The following AKAP6 variants were observed in gnomAD, a reference collection of about 807,000 sequenced individuals.
AKAP6 encodes A-kinase anchor protein 6.
Under a neutral mutation model 188.5 loss-of-function variants are expected in AKAP6, and 58 were observed. The observed-to-expected ratio is 0.31, with a 90% CI of 0.25 to 0.38. AKAP6 has a LOEUF of 0.38. AKAP6 is among the 10% of genes least tolerant of loss of function. The pLI is 1.00. For missense variants in AKAP6, 2,710 were observed against 2,740.0 expected (o/e 0.99, Z 0.24); for synonymous variants, 989 against 998.6 (o/e 0.99, Z 0.18).
intron 1 of AKAP6, among the ~76,000 whole-genome samples, chr14:32,409,868 C>G (rs1269537047): frequency 6.6e-6 from 1 of 152,102 alleles, no homozygotes; most frequent in Admixed American, 6.5e-5. Flanking sequence ...TGTATGAGGA[C>G]TAAACTCTGG....
intron 11 of AKAP6, among the ~76,000 whole-genome samples, chr14:32,764,244 A>T (rs191571962): frequency 6.6e-6 from 1 of 152,218 alleles, no homozygotes; most frequent in Non-Finnish European, 1.5e-5. Flanking sequence ...AACACTGTCT[A>T]TTATGAAAAG....
At chr14:32,359,184 CA>C (rs919593104) in intron 1 of AKAP6, among the ~76,000 whole-genome samples, 1 of 151,758 alleles carries the variant, frequency 6.6e-6, no homozygotes, top group Admixed American at 6.6e-5. Context: ...AGTTTTAGTA[CA>C]AAAAAAATTT....
intron 8 of AKAP6, among the ~76,000 whole-genome samples, chr14:32,694,107 A>G (rs1890293102): frequency 6.6e-6 from 1 of 152,076 alleles, no homozygotes; most frequent in Non-Finnish European, 1.5e-5. Context: ...CATGCCTGTA[A>G]TCCCAGCACT....
At chr14:32,464,354 C>T (rs1335210750) in intron 2 of AKAP6, among the ~76,000 whole-genome samples, 2 of 152,174 alleles carry the variant, frequency 1.3e-5, no homozygotes, top group Non-Finnish European at 2.9e-5. Flanking sequence ...AATAAAAATA[C>T]TGGCAAACTG....
intron 2 of AKAP6, among the ~76,000 whole-genome samples, chr14:32,472,918 A>C (rs941012351): frequency 2.0e-5 from 3 of 152,164 alleles, no homozygotes; most frequent in African/African-American, 7.2e-5. Flanking sequence ...AAATGATGTA[A>C]TCCTAATGCT....
intron 11 of AKAP6, among the ~76,000 whole-genome samples, chr14:32,761,521 G>A (rs2032537169): frequency 6.6e-6 from 1 of 152,110 alleles, no homozygotes; most frequent in Non-Finnish European, 1.5e-5. Context: ...ACGTATGGAT[G>A]AGAGAGCAAG....
At position 32,833,296 on chromosome 14, in the gene AKAP6, C is replaced by G. The variant is rs1034558603; in HGVS notation, c.*3491C>G. 1 of 152,204 alleles carries G rather than the reference C, an allele frequency of 6.6e-6. No individual in the cohort carries two copies. Among genetic ancestry groups the G allele is most frequent in the Non-Finnish European group, 1.5e-5 (1 of 68,034 alleles). The allele number at this position is 152,204 out of a possible 1,614,324, so 9.4% of individuals were successfully genotyped here. A position where few individuals can be genotyped will look rare whatever the true frequency, so the allele number is the denominator to read the frequency against. On this transcript the variant is annotated 3_prime_UTR_variant, in exon 14 of 14. Transcript: ENST00000280979. ...CTGTCTCCAAAGGTTTACAGCTTTT[C>G]TTCTGAAAGTGCCTTTTGTGTCCTT...
intron 2 of AKAP6, among the ~76,000 whole-genome samples, chr14:32,492,351 TATATAGAGAG>T (rs1359012167): frequency 1.8e-5 from 1 of 54,910 alleles, no homozygotes. Flanking sequence ...TATATATATA[TATATAGAGAG>T]AGAGAGAGAG....
rs1451519880 is a variant in AKAP6, at chr14:32,417,034, G to C, written c.-34-16426G>C. On this transcript the variant is annotated intron_variant, in intron 1 of 13. Transcript: ENST00000280979. ...TTTTTGTATTTTTAGTAGAGGTGGA[G>C]TTTGACTGTGTTTGCTAGGCTGGTC... Among the ~76,000 whole-genome samples the C allele has an allele frequency of 7.9e-5, 12 of 152,118 alleles. No individual in the cohort carries two copies. In the East Asian group the frequency reaches 2.1e-3, roughly 27 times the overall value.
At chr14:32,754,318 G>C (rs150019498) in intron 11 of AKAP6, among the ~76,000 whole-genome samples, 1 of 152,020 alleles carries the variant, frequency 6.6e-6, no homozygotes, top group East Asian at 1.9e-4. Flanking sequence ...CTCTCTTTTG[G>C]TTACCATTTG....
At chr14:32,724,525 A>G (rs1312717428) in intron 9 of AKAP6, among the ~76,000 whole-genome samples, 1 of 152,206 alleles carries the variant, frequency 6.6e-6, no homozygotes, top group East Asian at 1.9e-4. Context: ...TTAGTAGTGT[A>G]GTAAATAACT....
chr14:32,511,508 T>C (rs1881261271), intron 2 of AKAP6, among the ~76,000 whole-genome samples: 1 of 151,952 alleles, frequency 6.6e-6, no homozygotes, highest in Non-Finnish European at 1.5e-5. Context: ...CCAAAGTAGC[T>C]GGGACTACAG....
At chr14:32,460,243 A>C (rs11625399) in intron 2 of AKAP6, among the ~76,000 whole-genome samples, 18,226 of 152,170 alleles carry the variant, frequency 0.12, 1,237 homozygotes, top group South Asian at 0.21. Flanking sequence ...CTGTTTCTTC[A>C]ACAAAATTTC....
chr14:32,547,539 A>G lies in AKAP6; in HGVS notation c.2346+540A>G, dbSNP rs182478588. Among the ~76,000 whole-genome samples, 12 of 152,200 alleles carry G rather than the reference A, an allele frequency of 7.9e-5. No individual in the cohort carries two copies. The South Asian group carries it at 1.7e-3, about 21-fold the overall frequency. ...TGGCTAATAACCATATTACCTATAC[A>G]TGTACCACCCATGGACTCTGGGATG... On this transcript the variant is annotated intron_variant, in intron 4 of 13. Transcript: ENST00000280979.
rs1484310509 is a variant in AKAP6, at chr14:32,480,948, C to G, written c.324+47131C>G. On this transcript the variant is annotated intron_variant, in intron 2 of 13. Coordinates refer to ENST00000280979, the MANE Select transcript of AKAP6 (RefSeq NM_004274.5). ...TTCTTTCTGATGTATAAGATTGTTACAAAAAACATCAAGCAACAGATAAGT... is the reference window on the plus strand; with the variant it reads ...TTCTTTCTGATGTATAAGATTGTTAGAAAAAACATCAAGCAACAGATAAGT... Among the ~76,000 whole-genome samples the G allele has an allele frequency of 3.9e-5, 6 of 152,208 alleles. No homozygotes were observed. In the East Asian group the frequency reaches 9.7e-4, roughly 24 times the overall value.
intron 12 of AKAP6, among the ~76,000 whole-genome samples, chr14:32,808,387 C>A (rs746659145): frequency 6.6e-6 from 1 of 152,140 alleles, no homozygotes; most frequent in Non-Finnish European, 1.5e-5. Flanking sequence ...TAACCAAGGA[C>A]CTCATTCTGA....
intron 9 of AKAP6, among the ~76,000 whole-genome samples, chr14:32,711,421 C>T (rs1398956038): frequency 6.6e-6 from 1 of 152,078 alleles, no homozygotes; most frequent in African/African-American, 2.4e-5. Flanking sequence ...GAACCCTACA[C>T]TTCATGTTTG....
chr14:32,644,759 T>A (rs1353819823), intron 7 of AKAP6, among the ~76,000 whole-genome samples: 2 of 152,154 alleles, frequency 1.3e-5, no homozygotes, highest in Non-Finnish European at 2.9e-5. Context: ...TGTCTGCATT[T>A]CTCTAAATAT....
intron 4 of AKAP6, among the ~76,000 whole-genome samples, chr14:32,554,228 A>C (rs1594739231): frequency 6.6e-6 from 1 of 152,208 alleles, no homozygotes; most frequent in Non-Finnish European, 1.5e-5. Flanking sequence ...GACAGAGTTG[A>C]ATAGTTGTGA....
Sources: gnomAD v4.1 joint callset for allele counts (sites outside exome capture counted in the v4.1 genomes callset) on GRCh38, gnomAD v4.1.1 for gene constraint, MANE v1.5 for transcripts, NCBI Gene and HGNC (gene_info 2026-07-23, HGNC 2026-07-21) for gene names.